Variants in GRID2 observed in about 807,000 individuals in gnomAD.
The protein encoded by GRID2 is glutamate receptor ionotropic, delta-2.
GRID2 carries 33 observed loss-of-function variants against 114.8 expected under a neutral mutation model. That is an observed-to-expected ratio of 0.29 (90% CI 0.22 to 0.38). The LOEUF is 0.38. GRID2 is among the 10% of genes least tolerant of loss of function. GRID2 has a pLI of 1.00. For synonymous variants in GRID2, 505 were observed against 449.9 expected (o/e 1.12, Z -1.55); for missense variants, 1,184 against 1,257.7 (o/e 0.94, Z 0.89).
chr4:92,852,337 T>A (rs1359706788), intron 2 of GRID2, among the ~76,000 whole-genome samples: 1 of 151,934 alleles, frequency 6.6e-6, no homozygotes, highest in Admixed American at 6.6e-5. Flanking sequence ...CTCTTTTCCC[T>A]TTCTGCCTCT....
At chr4:93,068,503 T>C (rs1399689130) in intron 2 of GRID2, among the ~76,000 whole-genome samples, 1 of 152,106 alleles carries the variant, frequency 6.6e-6, no homozygotes, top group African/African-American at 2.4e-5. Flanking sequence ...TTTCTATGGA[T>C]ATCACTTGTG....
intron 13 of GRID2, among the ~76,000 whole-genome samples, chr4:93,613,037 C>T (rs1300633006): frequency 7.8e-6 from 1 of 127,920 alleles, no homozygotes; most frequent in Non-Finnish European, 1.7e-5. Flanking sequence ...CTCTAAACTT[C>T]CCTTCTCGCT....
chr4:93,182,260 C>A (rs1456189982), intron 4 of GRID2, among the ~76,000 whole-genome samples: 1 of 152,006 alleles, frequency 6.6e-6, no homozygotes, highest in African/African-American at 2.4e-5. Flanking sequence ...TAGTTGAACT[C>A]ATTGTGTAGA....
intron 1 of GRID2, among the ~76,000 whole-genome samples, chr4:92,400,248 C>A (rs139746653): frequency 2.9e-3 from 437 of 152,260 alleles, no homozygotes; most frequent in African/African-American, 9.9e-3. Flanking sequence ...TATCCATTAT[C>A]AGTCACTTCC....
chr4:92,669,439 C>T (rs1348106177), intron 2 of GRID2, among the ~76,000 whole-genome samples: 4 of 152,020 alleles, frequency 2.6e-5, no homozygotes, highest in East Asian at 1.9e-4. Context: ...AGAGTAACTG[C>T]AGGCAGAAGA....
At chr4:92,557,351 TA>T (rs1726900485) in intron 1 of GRID2, among the ~76,000 whole-genome samples, 1 of 151,498 alleles carries the variant, frequency 6.6e-6, no homozygotes, top group African/African-American at 2.4e-5. Context: ...AATGATTTGA[TA>T]TTTTATTCTT....
intron 2 of GRID2, among the ~76,000 whole-genome samples, chr4:92,788,178 T>A (rs1288996182): frequency 6.6e-6 from 1 of 151,524 alleles, no homozygotes; most frequent in Non-Finnish European, 1.5e-5. Flanking sequence ...TATTCTAGCA[T>A]TAAGTCTGGG....
intron 11 of GRID2, among the ~76,000 whole-genome samples, chr4:93,469,036 C>T (rs1724550624): frequency 6.6e-6 from 1 of 152,024 alleles, no homozygotes; most frequent in Admixed American, 6.6e-5. Context: ...GCAGATCAGA[C>T]ACATATGGTT....
At chr4:93,483,012 A>G (rs546667487) in intron 11 of GRID2, among the ~76,000 whole-genome samples, 21 of 152,154 alleles carry the variant, frequency 1.4e-4, no homozygotes, top group African/African-American at 4.3e-4. Context: ...TTGACTATCA[A>G]TAAACTTTAA....
intron 2 of GRID2, among the ~76,000 whole-genome samples, chr4:92,742,670 C>T (rs1229598824): frequency 6.6e-6 from 1 of 152,220 alleles, no homozygotes; most frequent in South Asian, 2.1e-4. Context: ...CTTTACAAGA[C>T]CAACACTTCA....
chr4:92,524,407 CTTTTTTTTTTT>C (rs869060153), intron 1 of GRID2, among the ~76,000 whole-genome samples: 4 of 106,564 alleles, frequency 3.8e-5, no homozygotes, highest in African/African-American at 1.6e-4. Context: ...ATTTCCTTGT[CTTTTTTTTTTT>C]TTTTTTTTTT....
chr4:93,753,066 A>C (rs991220976), intron 14 of GRID2, among the ~76,000 whole-genome samples: 2 of 152,174 alleles, frequency 1.3e-5, no homozygotes, highest in African/African-American at 2.4e-5. Context: ...GCCGAGACTA[A>C]ACTGACCCTA....
chr4:92,908,157 C>G (rs1294118542), intron 2 of GRID2, among the ~76,000 whole-genome samples: 1 of 152,168 alleles, frequency 6.6e-6, no homozygotes, highest in African/African-American at 2.4e-5. Context: ...GGACTAATGT[C>G]TATCAGATGC....
At chr4:93,009,762 A>C (rs771888223) in intron 2 of GRID2, among the ~76,000 whole-genome samples, 6 of 152,090 alleles carry the variant, frequency 3.9e-5, no homozygotes, top group Admixed American at 6.6e-5. Context: ...TTTCTGGAAG[A>C]TCAGCATTCT....
intron 1 of GRID2, among the ~76,000 whole-genome samples, chr4:92,401,828 A>G (rs546635807): frequency 6.6e-5 from 10 of 152,298 alleles, no homozygotes; most frequent in African/African-American, 2.2e-4. Context: ...TCTTAGCATA[A>G]GAAAACAATG....
intron 4 of GRID2, among the ~76,000 whole-genome samples, chr4:93,120,456 G>T (rs1383598643): frequency 1.3e-5 from 2 of 152,140 alleles, no homozygotes; most frequent in African/African-American, 2.4e-5. Context: ...CGAGATGGAT[G>T]AAACCAGAAA....
intron 14 of GRID2, among the ~76,000 whole-genome samples, chr4:93,725,534 T>G (rs1729789621): frequency 6.6e-6 from 1 of 151,994 alleles, no homozygotes; most frequent in Admixed American, 6.5e-5. Flanking sequence ...GTATTTCTAG[T>G]TCTAGATCCC....
intron 9 of GRID2, among the ~76,000 whole-genome samples, chr4:93,410,298 A>C (rs1024591650): frequency 6.6e-6 from 1 of 152,112 alleles, no homozygotes; most frequent in East Asian, 1.9e-4. Flanking sequence ...CCTTTATTCT[A>C]CCAATTCTTT....
intron 14 of GRID2, among the ~76,000 whole-genome samples, chr4:93,637,756 GC>G (rs1721544250): frequency 6.6e-6 from 1 of 152,036 alleles, no homozygotes; most frequent in South Asian, 2.1e-4. Flanking sequence ...ATCTTCTTTT[GC>G]TACAAGTTAG....
Sources: allele counts gnomAD v4.1 joint callset (sites outside exome capture counted in the v4.1 genomes callset), GRCh38; gene constraint gnomAD v4.1.1; transcripts MANE v1.5; gene names NCBI Gene and HGNC (gene_info 2026-07-23, HGNC 2026-07-21).